NKAIN3: variants seen among roughly 807,000 people sequenced by gnomAD.
NKAIN3 encodes sodium/potassium transporting ATPase interacting 3.
In NKAIN3, 25 loss-of-function variants were observed where a neutral mutation model predicts 30.2. That is an observed-to-expected ratio of 0.83 (90% confidence interval 0.60 to 1.16). NKAIN3 has a LOEUF of 1.16. NKAIN3 is among the 50% of genes most tolerant of loss of function. The pLI, the probability that NKAIN3 is intolerant of heterozygous loss-of-function variation, is 0.00. For missense variants in NKAIN3, 225 were observed against 254.1 expected (o/e 0.89, Z 0.78); for synonymous variants, 91 against 89.6 (o/e 1.02, Z -0.09).
chr8:62,683,911 G>C (rs948224551), intron 3 of NKAIN3, among the ~76,000 whole-genome samples: 2 of 152,182 alleles, frequency 1.3e-5, no homozygotes, highest in Non-Finnish European at 2.9e-5. Context: ...GCTGGTGCAT[G>C]GTTTGACAAA....
At chr8:62,328,560 A>G (rs1432132366) in intron 1 of NKAIN3, among the ~76,000 whole-genome samples, 1 of 152,062 alleles carries the variant, frequency 6.6e-6, no homozygotes, top group African/African-American at 2.4e-5. Flanking sequence ...ACAGAACCAT[A>G]TGCCACTAAA....
intron 3 of NKAIN3, among the ~76,000 whole-genome samples, chr8:62,691,000 T>C (rs1198634342): frequency 1.3e-5 from 2 of 152,124 alleles, no homozygotes; most frequent in Non-Finnish European, 2.9e-5. Flanking sequence ...TCCCCTAATA[T>C]AATGCAGGTT....
At chr8:62,554,489 G>T (rs1809322316) in intron 1 of NKAIN3, among the ~76,000 whole-genome samples, 1 of 152,072 alleles carries the variant, frequency 6.6e-6, no homozygotes, top group African/African-American at 2.4e-5. Flanking sequence ...CTCCAGTCTT[G>T]GTTTTAAGTG....
intron 3 of NKAIN3, among the ~76,000 whole-genome samples, chr8:62,720,656 A>G (rs1021412387): frequency 6.6e-6 from 1 of 152,158 alleles, no homozygotes; most frequent in Non-Finnish European, 1.5e-5. Flanking sequence ...ACTTTTTTCT[A>G]TAGCATATTC....
chr8:62,536,541 G>A (rs1337846763), intron 1 of NKAIN3, among the ~76,000 whole-genome samples: 2 of 151,990 alleles, frequency 1.3e-5, no homozygotes, highest in African/African-American at 2.4e-5. Context: ...TAGAACAGCA[G>A]CAAGCATTTC....
intron 3 of NKAIN3, among the ~76,000 whole-genome samples, chr8:62,607,952 A>C (rs531173942): frequency 6.6e-6 from 1 of 152,296 alleles, no homozygotes; most frequent in South Asian, 2.1e-4. Flanking sequence ...TAGCAAGCAT[A>C]ATCTTGCAAA....
At chr8:62,742,532 T>G (rs910704925) in intron 3 of NKAIN3, among the ~76,000 whole-genome samples, 1 of 152,180 alleles carries the variant, frequency 6.6e-6, no homozygotes, top group Admixed American at 6.5e-5. Flanking sequence ...GGGTGGCATA[T>G]TCTGCTACCC....
At chr8:62,693,157 G>A (rs73685442) in intron 3 of NKAIN3, among the ~76,000 whole-genome samples, 1,616 of 152,102 alleles carry the variant, frequency 0.011, 30 homozygotes, top group African/African-American at 0.037. Context: ...TGGCTCATTG[G>A]GTGCTTCAAA....
At chr8:62,394,619 C>T (rs1475402996) in intron 1 of NKAIN3, among the ~76,000 whole-genome samples, 1 of 152,178 alleles carries the variant, frequency 6.6e-6, no homozygotes, top group Non-Finnish European at 1.5e-5. Flanking sequence ...ACTTCCCAGA[C>T]AATGTGGTGG....
At chr8:62,480,534 A>T (rs1242421701) in intron 1 of NKAIN3, among the ~76,000 whole-genome samples, 32 of 11,538 alleles carry the variant, frequency 2.8e-3, no homozygotes, top group East Asian at 0.019. Context: ...GTTTGGATTA[A>T]AAAAAAAAAA....
intron 3 of NKAIN3, among the ~76,000 whole-genome samples, chr8:62,729,035 A>AAAC (rs1554571494): frequency 9.1e-6 from 1 of 110,226 alleles, no homozygotes; most frequent in African/African-American, 4.2e-5. Flanking sequence ...AAAAAAAAAA[A>AAAC]AAAACAAAAA....
chr8:62,912,101 C>A (rs1018906018), intron 4 of NKAIN3, among the ~76,000 whole-genome samples: 2 of 152,136 alleles, frequency 1.3e-5, no homozygotes. Context: ...AGGCTACAAA[C>A]CTCTATAGCA....
chr8:62,790,577 C>CTGTG (rs1479237365), intron 4 of NKAIN3, among the ~76,000 whole-genome samples: 3 of 70,740 alleles, frequency 4.2e-5, no homozygotes, highest in African/African-American at 9.8e-5. Context: ...GTCTGTCTGT[C>CTGTG]TGTCTGTGTG....
intron 3 of NKAIN3, among the ~76,000 whole-genome samples, chr8:62,674,176 C>G (rs1332766401): frequency 6.6e-6 from 1 of 152,206 alleles, no homozygotes; most frequent in Non-Finnish European, 1.5e-5. Context: ...ACCTATCGCT[C>G]TGGCCACATC....
intron 4 of NKAIN3, among the ~76,000 whole-genome samples, chr8:62,803,258 G>A (rs1334438524): frequency 1.3e-5 from 2 of 152,086 alleles, no homozygotes; most frequent in South Asian, 4.2e-4. Flanking sequence ...TCTGCACCAA[G>A]GGGACCTAAT....
intron 5 of NKAIN3, among the ~76,000 whole-genome samples, chr8:62,940,067 A>G (rs770901604): frequency 1.3e-5 from 2 of 152,036 alleles, no homozygotes; most frequent in Non-Finnish European, 2.9e-5. Context: ...GTGGGAAAAG[A>G]TATTCCATGT....
At position 62,928,474 on chromosome 8, in the gene NKAIN3, C is replaced by T. The variant is rs181702345; in HGVS notation, c.532+9961C>T. Among the ~76,000 whole-genome samples the T allele has an allele frequency of 3.0e-3, 463 of 152,246 alleles. 3 individuals carry two copies. The highest frequency in any genetic ancestry group is 0.01 in the African/African-American group (434 of 41,540). The stretch of plus-strand genomic sequence containing the variant: ...TTCCCAACCCTTATTCATTTAATAC[C>T]ACCTTCAGCGATATCATGACAGCTA... On this transcript the variant is annotated intron_variant, in intron 5 of 6. Coordinates refer to ENST00000623646, the MANE Select transcript of NKAIN3 (RefSeq NM_001304533.3).
chr8:62,394,430 A>G (rs1817666830), intron 1 of NKAIN3, among the ~76,000 whole-genome samples: 1 of 152,112 alleles, frequency 6.6e-6, no homozygotes, highest in Admixed American at 6.5e-5. Context: ...GAGAAAAATT[A>G]CATTTGTTCT....
At chr8:62,684,600 A>C (rs920966774) in intron 3 of NKAIN3, among the ~76,000 whole-genome samples, 6 of 152,194 alleles carry the variant, frequency 3.9e-5, no homozygotes, top group African/African-American at 9.7e-5. Flanking sequence ...AGGTCTACCT[A>C]ACACCTCTGT....
Sources: allele counts gnomAD v4.1 joint callset (sites outside exome capture counted in the v4.1 genomes callset), GRCh38; gene constraint gnomAD v4.1.1; transcripts MANE v1.5; gene names NCBI Gene and HGNC (gene_info 2026-07-23, HGNC 2026-07-21).